The following KIAA1958 variants were observed in gnomAD, a reference collection of about 807,000 sequenced individuals.
KIAA1958 encodes KIAA1958.
KIAA1958 carries 14 observed loss-of-function variants against 47.2 expected under a neutral mutation model. The observed-to-expected ratio is 0.30, with a 90% confidence interval of 0.20 to 0.46. The LOEUF is 0.46. Ranked by LOEUF, KIAA1958 falls within the 20% of genes least tolerant of loss-of-function variation. KIAA1958 has a pLI of 1.00. For synonymous variants in KIAA1958, 354 were observed against 353.3 expected (o/e 1.00, Z -0.02); for missense variants, 803 against 909.2 (o/e 0.88, Z 1.50).
At chr9:112,595,207 A>C (rs1835997938) in intron 2 of KIAA1958, among the ~76,000 whole-genome samples, 1 of 152,236 alleles carries the variant, frequency 6.6e-6, no homozygotes, top group Non-Finnish European at 1.5e-5. Context: ...CAATAATAGA[A>C]AAACAATTAG....
chr9:112,637,662 C>G (rs1042060841), intron 2 of KIAA1958, among the ~76,000 whole-genome samples: 2 of 152,052 alleles, frequency 1.3e-5, no homozygotes, highest in African/African-American at 2.4e-5. Context: ...AGGCATGAGC[C>G]ACTGCACCTG....
chr9:112,613,034 C>T (rs1470411583), intron 2 of KIAA1958, among the ~76,000 whole-genome samples: 1 of 152,016 alleles, frequency 6.6e-6, no homozygotes, highest in Non-Finnish European at 1.5e-5. Context: ...TATGTTCCTC[C>T]CCCCCATTTT....
intron 3 of KIAA1958, among the ~76,000 whole-genome samples, chr9:112,648,154 G>A (rs1837007607): frequency 6.6e-6 from 1 of 152,116 alleles, no homozygotes; most frequent in African/African-American, 2.4e-5. Context: ...TGTTTTTCAA[G>A]GCATTATATA....
At chr9:112,602,673 G>A (rs1430287419) in intron 2 of KIAA1958, among the ~76,000 whole-genome samples, 2 of 151,982 alleles carry the variant, frequency 1.3e-5, no homozygotes, top group Admixed American at 1.3e-4. Flanking sequence ...GATGGCCAAC[G>A]GGTCCTTAAT....
At chr9:112,642,508 G>A (rs1374096526) in intron 2 of KIAA1958, among the ~76,000 whole-genome samples, 2 of 152,034 alleles carry the variant, frequency 1.3e-5, no homozygotes, top group South Asian at 2.1e-4. Flanking sequence ...CTCACTTCAC[G>A]CAGCCGTACT....
intron 1 of KIAA1958, among the ~76,000 whole-genome samples, chr9:112,571,873 AACAC>A (rs1222168730): frequency 6.7e-6 from 1 of 149,870 alleles, no homozygotes; most frequent in East Asian, 1.9e-4. Flanking sequence ...GTTCAGAACA[AACAC>A]ACAAACCAAT....
intron 2 of KIAA1958, among the ~76,000 whole-genome samples, chr9:112,606,407 C>G (rs956380632): frequency 7.9e-5 from 12 of 152,032 alleles, no homozygotes; most frequent in Non-Finnish European, 1.3e-4. Context: ...TTTGTAGTTG[C>G]CATTCAGTTT....
At chr9:112,588,497 CAAAG>C (rs942229112) in intron 2 of KIAA1958, among the ~76,000 whole-genome samples, 1 of 151,962 alleles carries the variant, frequency 6.6e-6, no homozygotes, top group African/African-American at 2.4e-5. Context: ...TTATGTTCCG[CAAAG>C]AAAGAAAAAA....
intron 2 of KIAA1958, among the ~76,000 whole-genome samples, chr9:112,584,065 T>TA (rs545018654): frequency 3.4e-4 from 50 of 147,340 alleles, no homozygotes; most frequent in South Asian, 1.3e-3. Flanking sequence ...CCCAGTCTCT[T>TA]AAAAAAAAAA....
chr9:112,601,114 A>G lies in KIAA1958; in HGVS notation c.1171+25863A>G, dbSNP rs917367533. Among the ~76,000 whole-genome samples, 3 of 152,220 alleles carry G rather than the reference A, an allele frequency of 2.0e-5. No individual in the cohort carries two copies. In the East Asian group the frequency reaches 5.8e-4, roughly 29 times the overall value. On this transcript the variant is annotated intron_variant, in intron 2 of 3. Transcript: ENST00000337530. The stretch of plus-strand genomic sequence containing the variant: ...TACCCTGAAAGGGGTCAGCTAAGAT[A>G]AGAATTGGAAAATGGTCTTTGGCCA...
chr9:112,652,396 A>G (rs1013364654), intron 3 of KIAA1958, among the ~76,000 whole-genome samples: 3 of 152,234 alleles, frequency 2.0e-5, no homozygotes, highest in Non-Finnish European at 4.4e-5. Context: ...AAACTGAGTC[A>G]GAGAAAACTA....
chr9:112,594,273 T>C (rs1292660553), intron 2 of KIAA1958, among the ~76,000 whole-genome samples: 3 of 152,232 alleles, frequency 2.0e-5, no homozygotes. Flanking sequence ...TACAGAGATA[T>C]AATCCATACC....
At chr9:112,506,721 T>C (rs967229304) in intron 1 of KIAA1958, among the ~76,000 whole-genome samples, 2 of 152,124 alleles carry the variant, frequency 1.3e-5, no homozygotes, top group Admixed American at 1.3e-4. Flanking sequence ...TTTTTTCTTG[T>C]AAACACAGCT....
intron 1 of KIAA1958, among the ~76,000 whole-genome samples, chr9:112,496,522 A>G (rs534737267): frequency 3.3e-5 from 5 of 152,170 alleles, no homozygotes; most frequent in Non-Finnish European, 5.9e-5. Context: ...TGAAATTGTG[A>G]AATATCAGCA....
intron 2 of KIAA1958, among the ~76,000 whole-genome samples, chr9:112,644,642 T>C (rs1455508062): frequency 6.6e-6 from 1 of 152,108 alleles, no homozygotes; most frequent in Non-Finnish European, 1.5e-5. Context: ...CCTGTCTTTA[T>C]CTGAAGTAAT....
At chr9:112,511,907 T>G (rs561644768) in intron 1 of KIAA1958, among the ~76,000 whole-genome samples, 14 of 152,338 alleles carry the variant, frequency 9.2e-5, no homozygotes, top group Non-Finnish European at 2.1e-4. Flanking sequence ...CTTATGCAGG[T>G]AAATTTGACA....
At chr9:112,578,336 T>C (rs1487734070) in intron 2 of KIAA1958, among the ~76,000 whole-genome samples, 2 of 152,176 alleles carry the variant, frequency 1.3e-5, no homozygotes, top group African/African-American at 4.8e-5. Context: ...ATGACTTGGT[T>C]ACGGATGGAC....
chr9:112,522,121 G>A (rs1834555353), intron 1 of KIAA1958, among the ~76,000 whole-genome samples: 1 of 152,060 alleles, frequency 6.6e-6, no homozygotes, highest in Admixed American at 6.6e-5. Flanking sequence ...ACAGGCATGT[G>A]CCACCATGCC....
chr9:112,651,547 A>G (rs1837055391), intron 3 of KIAA1958, among the ~76,000 whole-genome samples: 2 of 151,902 alleles, frequency 1.3e-5, no homozygotes, highest in African/African-American at 2.4e-5. Flanking sequence ...GGTGCCTGCC[A>G]CCATACCTGG....
Sources: gnomAD v4.1 joint callset for allele counts (sites outside exome capture counted in the v4.1 genomes callset) on GRCh38, gnomAD v4.1.1 for gene constraint, MANE v1.5 for transcripts, NCBI Gene and HGNC (gene_info 2026-07-23, HGNC 2026-07-21) for gene names.